The following NR2C2 variants were observed in gnomAD, a reference collection of about 807,000 sequenced individuals.
NR2C2 encodes nuclear receptor subfamily 2 group C member 2, also known as Nuclear hormone receptor TR4.
NR2C2 carries 6 observed loss-of-function variants against 62.9 expected under a neutral mutation model. The ratio of observed to expected loss-of-function variants is 0.10; its 90% confidence interval spans 0.05 to 0.19. NR2C2 has a LOEUF of 0.19. Ranked by LOEUF, NR2C2 falls within the 10% of genes least tolerant of loss-of-function variation. The pLI, the probability that NR2C2 is intolerant of heterozygous loss-of-function variation, is 1.00. For missense variants in NR2C2, 479 were observed against 762.7 expected, an observed-to-expected ratio of 0.63 and a Z score of 4.38; for synonymous variants, 272 against 273.8, an observed-to-expected ratio of 0.99 and a Z score of 0.07.
chr3:15,032,575 T>C (rs1187305901), intron 10 of NR2C2, 75 bp downstream of exon 10: 1 of 1,571,236 alleles, frequency 6.4e-7, no homozygotes, highest in East Asian at 2.2e-5. Context: ...GGAAGAACTC[T>C]GAGGGCCTGT....
At chr3:14,979,612 A>T (rs1282408303) in intron 1 of NR2C2, among the ~76,000 whole-genome samples, 1 of 152,134 alleles carries the variant, frequency 6.6e-6, no homozygotes, top group African/African-American at 2.4e-5. Context: ...AAGTGAGAGA[A>T]TTATTTGCGT....
At chr3:15,004,038 A>G in intron 2 of NR2C2, 52 bp downstream of exon 2, 1 of 1,482,184 alleles carries the variant, frequency 6.7e-7, no homozygotes, top group Non-Finnish European at 9.2e-7. Context: ...AACTCTTTCC[A>G]AAAACAAACC....
chr3:14,976,445 T>C (rs2040206323), intron 1 of NR2C2, among the ~76,000 whole-genome samples: 1 of 152,116 alleles, frequency 6.6e-6, no homozygotes, highest in Non-Finnish European at 1.5e-5. Flanking sequence ...GCATTTTTAG[T>C]TTCCTTTTTT....
chr3:14,964,663 C>T (rs563267147), intron 1 of NR2C2, among the ~76,000 whole-genome samples: 14 of 151,708 alleles, frequency 9.2e-5, no homozygotes, highest in African/African-American at 2.9e-4. Flanking sequence ...TACAGGCGCC[C>T]GCCACCACAC....
chr3:14,988,806 TC>T (rs900688641), intron 1 of NR2C2, among the ~76,000 whole-genome samples: 1 of 152,164 alleles, frequency 6.6e-6, no homozygotes, highest in Non-Finnish European at 1.5e-5. Context: ...GATGACATAT[TC>T]ATCCATTCAT....
chr3:14,969,231 C>CTAAA (rs1163852687), intron 1 of NR2C2, among the ~76,000 whole-genome samples: 1 of 149,352 alleles, frequency 6.7e-6, no homozygotes, highest in Non-Finnish European at 1.5e-5. Flanking sequence ...TCTTCATTGC[C>CTAAA]TAAATAAAGA....
intron 9 of NR2C2, 111 bp downstream of exon 9, chr3:15,030,563 C>A (rs2041955639): frequency 8.7e-7 from 1 of 1,145,374 alleles, no homozygotes; most frequent in East Asian, 2.7e-5. Context: ...CATAGTGGCT[C>A]ATGCCTGTAA....
Position 15,043,354 on chromosome 3 carries a change from A to G in NR2C2, c.*346A>G, listed in dbSNP as rs535401791. 6.1e-6 allele frequency: 1 copy of G among 164,296 alleles called. No individual in the cohort carries two copies. The highest frequency in any genetic ancestry group is 1.3e-5 in the Non-Finnish European group (1 of 75,872). The allele number at this position is 164,296 out of a possible 1,614,324, so 10.2% of individuals were successfully genotyped here. A position where few individuals can be genotyped will look rare whatever the true frequency, so the allele number is the denominator to read the frequency against. ...AACTGAAAGAACCTGAGAGAATAGT[A>G]TGTGTGTATATATATATATAAAAAA... On this transcript the variant is annotated 3_prime_UTR_variant, in exon 14 of 14. Transcript: ENST00000425241.
intron 1 of NR2C2, among the ~76,000 whole-genome samples, chr3:14,973,837 C>T (rs945360344): frequency 6.6e-6 from 1 of 152,024 alleles, no homozygotes; most frequent in East Asian, 1.9e-4. Flanking sequence ...TTTTTAAGTA[C>T]GGATGTTCCT....
At chr3:15,003,242 A>C (rs896150617) in intron 1 of NR2C2, among the ~76,000 whole-genome samples, 1 of 151,712 alleles carries the variant, frequency 6.6e-6, no homozygotes, top group African/African-American at 2.4e-5. Context: ...GAGCCAGCAC[A>C]CCCAGCCACA....
intron 1 of NR2C2, among the ~76,000 whole-genome samples, chr3:14,962,655 CTT>C (rs1228029134): frequency 6.2e-4 from 77 of 123,558 alleles, no homozygotes; most frequent in African/African-American, 7.6e-4. Flanking sequence ...TTATTTGTAA[CTT>C]TTTTTTTTTT....
In NR2C2 at chr3:15,048,088, A is replaced by G. The variant is rs2042519886; in HGVS notation, c.*5080A>G. On this transcript the variant is annotated 3_prime_UTR_variant, in exon 14 of 14. Transcript: ENST00000425241. ...ATTGCTGCAAAAACTCACATAATCCACAGTTTCCTCTTTTTCTTTTTAAAA... is the reference window on the plus strand; with the variant it reads ...ATTGCTGCAAAAACTCACATAATCCGCAGTTTCCTCTTTTTCTTTTTAAAA... 6.6e-6 allele frequency: 1 copy of G among 152,632 alleles called. No individual in the cohort carries two copies. Among genetic ancestry groups the G allele is most frequent in the African/African-American group, 2.4e-5 (1 of 41,454 alleles). The allele number at this position is 152,632 out of a possible 1,614,324, so 9.5% of individuals were successfully genotyped here. A position where few individuals can be genotyped will look rare whatever the true frequency, so the allele number is the denominator to read the frequency against.
chr3:14,957,584 A>T (rs1029428974), intron 1 of NR2C2, among the ~76,000 whole-genome samples: 3 of 152,068 alleles, frequency 2.0e-5, no homozygotes, highest in Non-Finnish European at 4.4e-5. Flanking sequence ...CTGTATTACA[A>T]TTTTTTATTT....
chr3:14,967,312 T>C (rs541522759), intron 1 of NR2C2, among the ~76,000 whole-genome samples: 72 of 152,192 alleles, frequency 4.7e-4, no homozygotes, highest in Non-Finnish European at 7.1e-4. Flanking sequence ...AGCTTTTTGG[T>C]TTAATGGATT....
At chr3:14,971,704 A>T (rs1294932101) in intron 1 of NR2C2, among the ~76,000 whole-genome samples, 2 of 151,226 alleles carry the variant, frequency 1.3e-5, no homozygotes, top group Non-Finnish European at 1.5e-5. Context: ...GTGATATTTG[A>T]TTGTGGTTTT....
At chr3:14,989,667 C>T (rs1036970020) in intron 1 of NR2C2, among the ~76,000 whole-genome samples, 1 of 151,722 alleles carries the variant, frequency 6.6e-6, no homozygotes, top group African/African-American at 2.4e-5. Context: ...TGTGGTGGCT[C>T]ACGACCTGTA....
At chr3:15,006,744 T>C (rs2041183074) in intron 2 of NR2C2, among the ~76,000 whole-genome samples, 1 of 152,034 alleles carries the variant, frequency 6.6e-6, no homozygotes, top group South Asian at 2.1e-4. Flanking sequence ...ACACTAAACA[T>C]TTATTTGGCT....
chr3:15,010,683 A>G (rs573770880), intron 2 of NR2C2, among the ~76,000 whole-genome samples: 17 of 151,414 alleles, frequency 1.1e-4, no homozygotes, highest in African/African-American at 3.4e-4. Context: ...CTGCACTCCA[A>G]TGTGGGTAAC....
At chr3:14,968,173 A>G (rs2039917352) in intron 1 of NR2C2, among the ~76,000 whole-genome samples, 1 of 152,254 alleles carries the variant, frequency 6.6e-6, no homozygotes, top group South Asian at 2.1e-4. Flanking sequence ...CTGCACAGCG[A>G]AAGAAACTAC....
Sources: allele counts gnomAD v4.1 joint callset (sites outside exome capture counted in the v4.1 genomes callset), GRCh38; gene constraint gnomAD v4.1.1; transcripts MANE v1.5; gene names NCBI Gene and HGNC (gene_info 2026-07-23, HGNC 2026-07-21).